The following CDH12 variants were observed in gnomAD, a reference collection of about 807,000 sequenced individuals.
The protein encoded by CDH12 is cadherin 12, also known as cadherin-12.
Under a neutral mutation model 74.1 loss-of-function variants are expected in CDH12, and 41 were observed. The ratio of observed to expected loss-of-function variants is 0.55; its 90% CI spans 0.43 to 0.72. The LOEUF (loss-of-function observed/expected upper bound fraction) is 0.72, where lower values mean the gene tolerates loss of function less well. Among genes scored for constraint, CDH12 ranks in the 30% least tolerant of loss-of-function variants. The pLI is 0.00. For missense variants in CDH12, 945 were observed against 977.2 expected (o/e 0.97, Z 0.44); for synonymous variants, 399 against 355.0 (o/e 1.12, Z -1.39).
chr5:21,883,961 T>C (rs191912598), intron 6 of CDH12: 6 of 1,605,932 alleles, frequency 3.7e-6, no homozygotes, highest in Non-Finnish European at 4.3e-6. Flanking sequence ...TGACTCCAGC[T>C]AATGAAGATC....
At chr5:21,898,196 AT>A (rs35262923) in intron 6 of CDH12, among the ~76,000 whole-genome samples, 30 of 151,830 alleles carry the variant, frequency 2.0e-4, no homozygotes, top group East Asian at 9.7e-4. Flanking sequence ...TATACATTAA[AT>A]TTTTTTTCTG....
At chr5:22,281,197 T>C (rs927031889) in intron 3 of CDH12, among the ~76,000 whole-genome samples, 3 of 152,136 alleles carry the variant, frequency 2.0e-5, no homozygotes, top group African/African-American at 7.2e-5. Context: ...AAACTCTCAA[T>C]AAATTAGGTA....
At chr5:22,594,260 G>A (rs1027685634) in intron 1 of CDH12, among the ~76,000 whole-genome samples, 1 of 152,166 alleles carries the variant, frequency 6.6e-6, no homozygotes, top group Admixed American at 6.5e-5. Flanking sequence ...TAGCCACACT[G>A]GGACTTGGGC....
intron 3 of CDH12, among the ~76,000 whole-genome samples, chr5:22,301,724 C>T (rs6886526): frequency 0.12 from 17,867 of 151,836 alleles, 1,096 homozygotes; most frequent in South Asian, 0.17. Context: ...CTCCATCCCA[C>T]GGGTTCAAGA....
chr5:22,614,871 T>A (rs550868264), intron 1 of CDH12, among the ~76,000 whole-genome samples: 1 of 152,200 alleles, frequency 6.6e-6, no homozygotes, highest in East Asian at 1.9e-4. Context: ...CACACTGTCG[T>A]ACTGTGACAG....
At chr5:21,872,924 C>CTATCTATCTATCTATCTATCATT (rs1751721182) in intron 6 of CDH12, among the ~76,000 whole-genome samples, 1 of 14,806 alleles carries the variant, frequency 6.8e-5, no homozygotes, top group Admixed American at 7.4e-4. Context: ...TATCTATCAT[C>CTATCTATCTATCTATCTATCATT]TTCCTATTCA....
In CDH12 at chr5:22,343,283, TAC is replaced by T. The variant is rs70959717; in HGVS notation, c.-333+61972_-333+61973del. 2.2e-3 allele frequency among the ~76,000 whole-genome samples: 199 copies of T among 92,498 alleles called. 1 individual carries two copies. Among genetic ancestry groups the T allele is most frequent in the Middle Eastern group, 0.012 (2 of 170 alleles). The allele number at this position is 92,498 out of a possible 152,430, so 60.7% of individuals were successfully genotyped here. Reference sequence around the variant, plus strand: ...TAAATCACAGATAAAACATAAACCCTACACACACACACACACACACACACACA... The same window carrying T: ...TAAATCACAGATAAAACATAAACCCTACACACACACACACACACACACACA... On this transcript the variant is annotated intron_variant, in intron 3 of 14. Coordinates refer to ENST00000382254, the MANE Select transcript of CDH12 (RefSeq NM_004061.5).
intron 3 of CDH12, among the ~76,000 whole-genome samples, chr5:22,215,834 G>T (rs1188329165): frequency 2.0e-5 from 3 of 151,866 alleles, no homozygotes; most frequent in Non-Finnish European, 2.9e-5. Flanking sequence ...GAAATTCTCA[G>T]ACACATCCAT....
intron 6 of CDH12, among the ~76,000 whole-genome samples, chr5:21,957,280 G>A (rs1447912305): frequency 5.9e-5 from 9 of 152,100 alleles, no homozygotes; most frequent in Non-Finnish European, 8.8e-5. Context: ...GCTCCATGGT[G>A]TCTATATACC....
intron 1 of CDH12, among the ~76,000 whole-genome samples, chr5:22,525,478 GAGAGAGAGAA>G (rs1224133683): frequency 6.9e-6 from 1 of 145,706 alleles, no homozygotes; most frequent in African/African-American, 2.5e-5. Flanking sequence ...GAGAGAGCAA[GAGAGAGAGAA>G]AGAGAGAGAG....
intron 7 of CDH12, among the ~76,000 whole-genome samples, chr5:21,846,930 T>C (rs1750203834): frequency 6.6e-6 from 1 of 152,138 alleles, no homozygotes; most frequent in Admixed American, 6.6e-5. Context: ...CAGCACTATA[T>C]GAACTCACGG....
chr5:22,630,291 G>A (rs1267767983), intron 1 of CDH12, among the ~76,000 whole-genome samples: 1 of 151,854 alleles, frequency 6.6e-6, no homozygotes, highest in Non-Finnish European at 1.5e-5. Flanking sequence ...CCAAAAAAGG[G>A]CCCAAATAGC....
chr5:22,354,993 G>T (rs979287437), intron 3 of CDH12, among the ~76,000 whole-genome samples: 1 of 152,092 alleles, frequency 6.6e-6, no homozygotes, highest in African/African-American at 2.4e-5. Context: ...TAACAGAGCT[G>T]GGACTCACAC....
At chr5:22,075,171 G>A (rs1215928746) in intron 5 of CDH12, among the ~76,000 whole-genome samples, 1 of 151,904 alleles carries the variant, frequency 6.6e-6, no homozygotes, top group East Asian at 1.9e-4. Context: ...GGACATGGAT[G>A]AAGCTGGAAA....
At chr5:22,232,657 G>T (rs1298583063) in intron 3 of CDH12, among the ~76,000 whole-genome samples, 2 of 150,582 alleles carry the variant, frequency 1.3e-5, no homozygotes, top group African/African-American at 4.9e-5. Context: ...CTAACACACT[G>T]AAAAAAAATA....
At chr5:21,752,539 C>T (rs561402461) in intron 14 of CDH12, among the ~76,000 whole-genome samples, 5 of 152,248 alleles carry the variant, frequency 3.3e-5, no homozygotes, top group African/African-American at 1.2e-4. Context: ...GTAGTTCTTC[C>T]ACTCATACAG....
At chr5:21,945,200 G>A (rs1755515967) in intron 6 of CDH12, among the ~76,000 whole-genome samples, 1 of 151,890 alleles carries the variant, frequency 6.6e-6, no homozygotes, top group Admixed American at 6.6e-5. Flanking sequence ...CAAGATGGGT[G>A]GATCACTTGA....
intron 4 of CDH12, among the ~76,000 whole-genome samples, chr5:22,198,037 C>G (rs1298323075): frequency 6.6e-6 from 1 of 151,366 alleles, no homozygotes; most frequent in Non-Finnish European, 1.5e-5. Context: ...CAATATTATT[C>G]TTAATCATAT....
rs1211854206 is a variant in CDH12 at position 22,029,776 on chromosome 5, G to T, written c.231+48670C>A. ...TCCCATTACTGGGTATATACCCAAA[G>T]GACTATAAATCATGCTGCTATAAAG... On this transcript the variant is annotated intron_variant, in intron 5 of 14. Transcript: ENST00000382254. Among the ~76,000 whole-genome samples, 4 of 151,868 alleles carry T rather than the reference G, an allele frequency of 2.6e-5. No homozygotes were observed. The East Asian group carries it at 7.8e-4, about 29-fold the overall frequency.
Sources: gnomAD v4.1 joint callset for allele counts (sites outside exome capture counted in the v4.1 genomes callset) on GRCh38, gnomAD v4.1.1 for gene constraint, MANE v1.5 for transcripts, NCBI Gene and HGNC (gene_info 2026-07-23, HGNC 2026-07-21) for gene names.